SLC71A2: variants seen among roughly 807,000 people sequenced by gnomAD.
SLC71A2 encodes the protein solute carrier family 71 member 2.
chr9:94,405,434 G>A, the SLC71A2 span, among the ~76,000 whole-genome samples: 4 of 150,502 alleles, frequency 2.7e-5, no homozygotes, highest in South Asian at 2.1e-4. Context: ...GGTGGACCAC[G>A]CTTGCAGTGA....
chr9:94,452,865 C>T, the SLC71A2 span, among the ~76,000 whole-genome samples: 1 of 151,660 alleles, frequency 6.6e-6, no homozygotes, highest in African/African-American at 2.4e-5. Flanking sequence ...AATTAATTCA[C>T]TGTTGTGCCA....
chr9:94,430,643 C>T, the SLC71A2 span, among the ~76,000 whole-genome samples: 2 of 152,146 alleles, frequency 1.3e-5, no homozygotes, highest in African/African-American at 4.8e-5. Flanking sequence ...TGTTCTCGAA[C>T]AGTTACCGGC....
chr9:94,421,222 A>G, the SLC71A2 span, among the ~76,000 whole-genome samples: 3 of 151,862 alleles, frequency 2.0e-5, no homozygotes, highest in Admixed American at 1.3e-4. Flanking sequence ...GGAACCAGAT[A>G]CCTTTTTGTG....
the SLC71A2 span, among the ~76,000 whole-genome samples, chr9:94,395,465 G>A: frequency 6.6e-6 from 1 of 151,946 alleles, no homozygotes; most frequent in Non-Finnish European, 1.5e-5. Flanking sequence ...TCCAGGAATA[G>A]AGTGCTTAGC....
the SLC71A2 span, among the ~76,000 whole-genome samples, chr9:94,382,744 C>T: frequency 1.3e-5 from 2 of 152,066 alleles, no homozygotes; most frequent in African/African-American, 2.4e-5. Context: ...ACTGCAATCT[C>T]CAGCTCACTG....
At chr9:94,413,463 G>A in the SLC71A2 span, among the ~76,000 whole-genome samples, 2 of 151,950 alleles carry the variant, frequency 1.3e-5, no homozygotes, top group African/African-American at 2.4e-5. Flanking sequence ...TTAAATAAGT[G>A]AAAATTCCAT....
At chr9:94,384,346 T>C in the SLC71A2 span, among the ~76,000 whole-genome samples, 14 of 151,470 alleles carry the variant, frequency 9.2e-5, no homozygotes, top group African/African-American at 3.4e-4. Flanking sequence ...CTTTTTTTTT[T>C]TTTTTTTGGA....
At chr9:94,420,356 G>C in the SLC71A2 span, among the ~76,000 whole-genome samples, 1 of 152,158 alleles carries the variant, frequency 6.6e-6, no homozygotes, top group African/African-American at 2.4e-5. Context: ...AGCTGGGATT[G>C]GGGGAGGGGC....
At chr9:94,459,058 A>T in the SLC71A2 span, 20 of 1,200,318 alleles carry the variant, frequency 1.7e-5, no homozygotes, top group Middle Eastern at 9.8e-4. Context: ...TGAGAATATG[A>T]TTCACTTTTT....
At chr9:94,444,916 A>T in the SLC71A2 span, 3 of 1,568,964 alleles carry the variant, frequency 1.9e-6, no homozygotes, top group Non-Finnish European at 2.6e-6. Flanking sequence ...TGCTTTCCCC[A>T]GAGGTGTTCA....
the SLC71A2 span, among the ~76,000 whole-genome samples, chr9:94,405,222 G>A: frequency 9.2e-5 from 14 of 152,128 alleles, no homozygotes; most frequent in Admixed American, 1.3e-4. Context: ...TAGGCCGGGC[G>A]CAGTGGCTCA....
chr9:94,424,979 G>A, the SLC71A2 span, among the ~76,000 whole-genome samples: 1 of 151,302 alleles, frequency 6.6e-6, no homozygotes, highest in Non-Finnish European at 1.5e-5. Context: ...AAGTGAGTAT[G>A]TTGTGGAGAA....
the SLC71A2 span, among the ~76,000 whole-genome samples, chr9:94,434,396 A>G: frequency 2.6e-5 from 4 of 151,942 alleles, no homozygotes; most frequent in Non-Finnish European, 4.4e-5. Context: ...GCTTGCTGCA[A>G]CTCCCCGCTG....
At chr9:94,386,399 ATGT>A in the SLC71A2 span, among the ~76,000 whole-genome samples, 1 of 151,414 alleles carries the variant, frequency 6.6e-6, no homozygotes, top group East Asian at 1.9e-4. Context: ...ACTCAGCACT[ATGT>A]GAGTGAAAAA....
the SLC71A2 span, among the ~76,000 whole-genome samples, chr9:94,394,913 T>TGG: frequency 1.4e-5 from 1 of 73,724 alleles, no homozygotes; most frequent in African/African-American, 5.5e-5. Context: ...AGTACTTTTT[T>TGG]TGTTTTTTTT....
At chr9:94,408,552 T>C in the SLC71A2 span, among the ~76,000 whole-genome samples, 4 of 152,126 alleles carry the variant, frequency 2.6e-5, no homozygotes, top group Non-Finnish European at 5.9e-5. Flanking sequence ...GGTCTATTTA[T>C]ATTTTCTGTT....
At chr9:94,423,104 T>G in the SLC71A2 span, among the ~76,000 whole-genome samples, 1 of 150,130 alleles carries the variant, frequency 6.7e-6, no homozygotes, top group Non-Finnish European at 1.5e-5. Context: ...GCCTGGCTAA[T>G]TTTTGTATTT....
the SLC71A2 span, among the ~76,000 whole-genome samples, chr9:94,421,694 C>T: frequency 6.6e-6 from 1 of 152,044 alleles, no homozygotes; most frequent in African/African-American, 2.4e-5. Context: ...GAATATTTTG[C>T]GTTTTGTGTG....
chr9:94,455,782 A>C, the SLC71A2 span, among the ~76,000 whole-genome samples: 1 of 152,138 alleles, frequency 6.6e-6, no homozygotes, highest in Admixed American at 6.5e-5. Flanking sequence ...CTGTTTTTCC[A>C]GTTGGGGGCA....
Sources: gnomAD v4.1 joint callset for allele counts (sites outside exome capture counted in the v4.1 genomes callset) on GRCh38, gnomAD v4.1.1 for gene constraint, MANE v1.5 for transcripts, NCBI Gene and HGNC (gene_info 2026-07-23, HGNC 2026-07-21) for gene names.